HAPLN1: variants seen among roughly 807,000 people sequenced by gnomAD.
HAPLN1 encodes Cartilage link protein.
HAPLN1 carries 13 observed loss-of-function variants against 36.5 expected under a neutral mutation model. The ratio of observed to expected loss-of-function variants is 0.36; its 90% CI spans 0.23 to 0.57. The LOEUF (loss-of-function observed/expected upper bound fraction) is 0.57. Among genes scored for constraint, HAPLN1 ranks in the 20% least tolerant of loss-of-function variants. HAPLN1 has a pLI of 0.83. For missense variants in HAPLN1, 407 were observed against 439.7 expected (o/e 0.93, Z 0.66); for synonymous variants, 202 against 169.8 (o/e 1.19, Z -1.48).
At chr5:83,715,997 A>G (rs1016936119) in intron 1 of HAPLN1, among the ~76,000 whole-genome samples, 2 of 152,210 alleles carry the variant, frequency 1.3e-5, no homozygotes, top group South Asian at 4.1e-4. Context: ...ACATGGGACT[A>G]GCACAGTGCC....
chr5:83,675,464 A>G (rs949697299), intron 1 of HAPLN1: 5 of 152,162 alleles, frequency 3.3e-5, no homozygotes, highest in African/African-American at 1.2e-4. Context: ...TAGTGTGGTC[A>G]TGTATAGTGT....
Position 83,652,731 on chromosome 5 carries a change from C to T in HAPLN1, c.194G>A (p.Arg65Gln), listed in dbSNP as rs749051250. Residue 65 changes from arginine (R) to glutamine (Q), a missense_variant, in exon 3 of 5, where the codon CGA becomes CAA. Coordinates refer to ENST00000274341, the MANE Select transcript of HAPLN1 (RefSeq NM_001884.4). ...TCCTGAGCCAAATGCTGTAGGGTCT[C>T]GATAAAATTTACATGGCAGTGTAAC... ...GNVTLPCKFY[R>Q]DPTAFGSGIH... 1.4e-5 allele frequency: 22 copies of T among 1,613,740 alleles called. No homozygotes were observed. The highest frequency in any genetic ancestry group is 3.3e-4 in the Middle Eastern group (2 of 6,084).
chr5:83,647,803 ATAAAG>A lies in HAPLN1; in HGVS notation c.473-3143_473-3139del, dbSNP rs370048565. 7.1e-3 allele frequency among the ~76,000 whole-genome samples: 1,082 copies of A among 152,352 alleles called. 12 individuals are homozygous for A. Among genetic ancestry groups the A allele is most frequent in the African/African-American group, 0.025 (1,028 of 41,580 alleles). On this transcript the variant is annotated intron_variant, in intron 3 of 4. Transcript: ENST00000274341. ...AGTTAAAGTAAGCTTTAATAATTAC[ATAAAG>A]TAAATATTTCTAGTCATAAAAAGGC...
At chr5:83,670,610 G>A (rs910228594) in intron 2 of HAPLN1, among the ~76,000 whole-genome samples, 5 of 152,074 alleles carry the variant, frequency 3.3e-5, no homozygotes, top group African/African-American at 1.2e-4. Flanking sequence ...CCAGAGAAAT[G>A]TTTTTCACTA....
chr5:83,648,123 T>TA (rs1322302648), intron 3 of HAPLN1, among the ~76,000 whole-genome samples: 1 of 152,068 alleles, frequency 6.6e-6, no homozygotes, highest in Non-Finnish European at 1.5e-5. Context: ...ACTCTTTTGT[T>TA]ACATCTGTAT....
At chr5:83,712,343 T>C (rs1176661341) in intron 1 of HAPLN1, among the ~76,000 whole-genome samples, 1 of 152,166 alleles carries the variant, frequency 6.6e-6, no homozygotes, top group Non-Finnish European at 1.5e-5. Flanking sequence ...TTTATCGTTA[T>C]TGCTGACTTG....
In HAPLN1 at chr5:83,711,962, T is replaced by G. The variant is rs188335004; in HGVS notation, c.-27+8827A>C. 9.9e-4 allele frequency among the ~76,000 whole-genome samples: 150 copies of G among 152,272 alleles called. 1 individual carries two copies. The highest frequency in any genetic ancestry group is 5.8e-4 in the East Asian group (3 of 5,180). On this transcript the variant is annotated intron_variant, in intron 1 of 4. Transcript: ENST00000274341. ...TCCATAAAACAAATTCAGACAGTAC[T>G]GAATAAATTATAATTTAGTGATTGA...
chr5:83,695,220 G>C (rs1172727517), intron 1 of HAPLN1, among the ~76,000 whole-genome samples: 1 of 152,038 alleles, frequency 6.6e-6, no homozygotes, highest in Admixed American at 6.6e-5. Flanking sequence ...CTGCCTCCTG[G>C]GTTCAAACAA....
intron 2 of HAPLN1, among the ~76,000 whole-genome samples, chr5:83,661,732 G>C (rs1057189154): frequency 1.3e-5 from 2 of 150,982 alleles, no homozygotes; most frequent in Non-Finnish European, 3.0e-5. Flanking sequence ...CGTGAGCAAC[G>C]GCACCCGGCC....
At chr5:83,651,822 T>C (rs1750070846) in intron 3 of HAPLN1, among the ~76,000 whole-genome samples, 1 of 152,172 alleles carries the variant, frequency 6.6e-6, no homozygotes, top group South Asian at 2.1e-4. Context: ...GCAAGGACAC[T>C]TTTTATTGTA....
At chr5:83,692,732 T>G (rs1214909227) in intron 1 of HAPLN1, among the ~76,000 whole-genome samples, 1 of 151,884 alleles carries the variant, frequency 6.6e-6, no homozygotes, top group African/African-American at 2.4e-5. Flanking sequence ...TTTTTCTCAT[T>G]ATGTAAATGT....
chr5:83,650,202 G>T (rs940863103), intron 3 of HAPLN1, among the ~76,000 whole-genome samples: 3 of 152,138 alleles, frequency 2.0e-5, no homozygotes, highest in Non-Finnish European at 4.4e-5. Flanking sequence ...TAGGCTTCAT[G>T]CAATACCTTT....
chr5:83,645,023 C>T (rs936292563), intron 3 of HAPLN1, among the ~76,000 whole-genome samples: 1 of 152,170 alleles, frequency 6.6e-6, no homozygotes, highest in African/African-American at 2.4e-5. Flanking sequence ...TAATGGGTTA[C>T]TACTGAGCTC....
chr5:83,643,097 G>C (rs767278713), intron 4 of HAPLN1, among the ~76,000 whole-genome samples: 2 of 152,116 alleles, frequency 1.3e-5, no homozygotes, highest in African/African-American at 2.4e-5. Context: ...GCTGAGGCAG[G>C]CTGATCATGT....
intron 4 of HAPLN1, 128 bp downstream of exon 4, chr5:83,644,235 C>G: frequency 1.3e-6 from 1 of 751,756 alleles, no homozygotes; most frequent in Non-Finnish European, 1.9e-6. Context: ...TCTTTTTAAA[C>G]TACAGCAAAA....
chr5:83,712,949 A>C (rs903549273), intron 1 of HAPLN1, among the ~76,000 whole-genome samples: 1 of 151,782 alleles, frequency 6.6e-6, no homozygotes, highest in South Asian at 2.1e-4. Context: ...TACAAATCTG[A>C]CCTAAGATTT....
intron 1 of HAPLN1, among the ~76,000 whole-genome samples, chr5:83,700,229 C>T (rs189805499): frequency 2.0e-5 from 3 of 151,202 alleles, no homozygotes; most frequent in Admixed American, 2.0e-4. Context: ...CCACCACCAC[C>T]ACCACAACAA....
Position 83,639,365 on chromosome 5 carries a change from C to A in HAPLN1, c.*2131G>T, listed in dbSNP as rs1174528343. ...GTCACTCCAGAGATTTTGATCAGCA[C>A]CAATTCCTATAGTAGTAAGTATTTA... is the stretch of plus-strand genomic sequence containing the variant. On this transcript the variant is annotated 3_prime_UTR_variant, in exon 5 of 5. Transcript: ENST00000274341. The A allele has an allele frequency of 6.6e-6, 1 of 151,964 alleles. No individual in the cohort carries two copies. The highest frequency in any genetic ancestry group is 1.5e-5 in the Non-Finnish European group (1 of 67,888). The allele number at this position is 151,964 out of a possible 1,614,324, so 9.4% of individuals were successfully genotyped here. A position where few individuals can be genotyped will look rare whatever the true frequency, so the allele number is the denominator to read the frequency against.
At chr5:83,661,492 C>G (rs1341506051) in intron 2 of HAPLN1, among the ~76,000 whole-genome samples, 1 of 127,590 alleles carries the variant, frequency 7.8e-6, no homozygotes, top group African/African-American at 3.0e-5. Context: ...TTGCGAAGGC[C>G]GGAGTGCAGT....
Sources: gnomAD v4.1 joint callset for allele counts (sites outside exome capture counted in the v4.1 genomes callset) on GRCh38, gnomAD v4.1.1 for gene constraint, MANE v1.5 for transcripts, NCBI Gene and HGNC (gene_info 2026-07-23, HGNC 2026-07-21) for gene names.